Variants in SPEN observed in about 807,000 individuals in gnomAD.
SPEN encodes the protein msx2-interacting protein.
SPEN carries 18 observed loss-of-function variants against 269.9 expected under a neutral mutation model. The observed-to-expected ratio is 0.07, with a 90% CI of 0.05 to 0.10. The LOEUF (loss-of-function observed/expected upper bound fraction) is 0.10, where lower values mean the gene tolerates loss of function less well. SPEN is among the 10% of genes least tolerant of loss of function. SPEN has a pLI of 1.00. For missense variants in SPEN, 3,822 were observed against 4,631.2 expected (o/e 0.83, Z 5.07); for synonymous variants, 1,726 against 1,765.7 (o/e 0.98, Z 0.56).
chr1:15,885,904 C>T, intron 3 of SPEN, among the ~76,000 whole-genome samples: 1 of 152,110 alleles, frequency 6.6e-6, no homozygotes, highest in East Asian at 1.9e-4. Context: ...GTATTGCTTG[C>T]ATCGTTTGTT....
In SPEN at chr1:15,874,727, C is replaced by T. The variant is rs2070614402; in HGVS notation, c.405-1475C>T. On this transcript the variant is annotated intron_variant, in intron 2 of 14. Transcript: ENST00000375759. ...TGGCATTTTAAGTCTCAAAGGAAAC[C>T]CTCTTATTTGTTAGACATTGAAATA... 3.3e-5 allele frequency among the ~76,000 whole-genome samples: 5 copies of T among 152,062 alleles called. No homozygotes were observed. The South Asian group carries it at 1.0e-3, about 32-fold the overall frequency.
chr1:15,918,257 A>T (rs537611032), intron 6 of SPEN, among the ~76,000 whole-genome samples: 2 of 152,264 alleles, frequency 1.3e-5, no homozygotes, highest in African/African-American at 4.8e-5. Context: ...ACGGAGTTTC[A>T]CTTTTGTCAC....
In SPEN at chr1:15,937,219, G is replaced by A; in HGVS notation, c.10083G>A (p.Gln3361=). 6.2e-7 allele frequency: 1 copy of A among 1,613,404 alleles called. No individual in the cohort carries two copies. Among genetic ancestry groups the A allele is most frequent in the Non-Finnish European group, 8.5e-7 (1 of 1,179,862 alleles). The change falls in exon 12 of 15, where the codon CAG becomes CAA. Residue 3361 remains glutamine (Q), a synonymous_variant. Transcript: ENST00000375759. The surrounding 1 kb of genome is among the most constrained non-coding windows in gnomAD (Gnocchi z 5.7). ...CTCCTCAGCCTGTGCAGTCCACACA[G>A]CCTGCCCAGCCTGCACCACCCTGCC... ...LQPPQPVQST[Q]PAQPAPPCPP...
In SPEN at chr1:15,931,349, C is replaced by T. The variant is rs2071218912; in HGVS notation, c.5109C>T (p.Pro1703=). The change falls in exon 11 of 15, where the codon CCC becomes CCT. Residue 1703 remains proline (P), a synonymous_variant. Coordinates refer to ENST00000375759, the MANE Select transcript of SPEN (RefSeq NM_015001.3). The surrounding 1 kb of genome is among the most constrained non-coding windows in gnomAD (Gnocchi z 4.8). Reference sequence around the variant, plus strand: ...AACAGCTGGAACAAGTAGACCTGCCCCCAGGAGCAGACCCCGATAAAGAAG... The same window carrying T: ...AACAGCTGGAACAAGTAGACCTGCCTCCAGGAGCAGACCCCGATAAAGAAG... The part of the protein sequence containing the change: ...PVEQLEQVDL[P]PGADPDKEAA... 6.2e-7 allele frequency: 1 copy of T among 1,614,168 alleles called. No homozygotes were observed. Among genetic ancestry groups the T allele is most frequent in the Non-Finnish European group, 8.5e-7 (1 of 1,180,024 alleles).
chr1:15,857,856 C>T (rs2070402856), intron 1 of SPEN, among the ~76,000 whole-genome samples: 1 of 151,780 alleles, frequency 6.6e-6, no homozygotes, highest in African/African-American at 2.4e-5. Flanking sequence ...GAGACAAGGT[C>T]CAGTGGCTCA....
At chr1:15,861,382 G>A (rs1420602594) in intron 1 of SPEN, among the ~76,000 whole-genome samples, 1 of 151,900 alleles carries the variant, frequency 6.6e-6, no homozygotes, top group Non-Finnish European at 1.5e-5. Context: ...CACCTACCTC[G>A]GCTTCCCAAA....
At position 15,930,695 on chromosome 1, in the gene SPEN, T is replaced by C; in HGVS notation, c.4455T>C (p.Ser1485=). ...ACAAAGATAAAGAAAAGGTTGACTC[T>C]GCTCCAAGACCTATTCCATCCTGGT... ...RNNKDKEKVD[S]APRPIPSWYM... Residue 1485 remains serine, a synonymous_variant, in exon 11 of 15, where the codon TCT becomes TCC. Coordinates refer to ENST00000375759, the MANE Select transcript of SPEN (RefSeq NM_015001.3). This position sits in a 1 kb window ranked among gnomAD's most constrained non-coding sequence, Gnocchi z 5.3. 6.2e-7 allele frequency: 1 copy of C among 1,614,138 alleles called. No homozygotes were observed. Among genetic ancestry groups the C allele is most frequent in the Non-Finnish European group, 8.5e-7 (1 of 1,179,990 alleles).
chr1:15,938,128 G>T (rs1202094365), intron 13 of SPEN, 122 bp downstream of exon 13: 1 of 927,960 alleles, frequency 1.1e-6, no homozygotes, highest in Non-Finnish European at 1.6e-6. Flanking sequence ...TGTTGTTGTT[G>T]AAACAGTCTC....
chr1:15,916,937 G>A (rs1268000067), intron 6 of SPEN, among the ~76,000 whole-genome samples: 1 of 152,144 alleles, frequency 6.6e-6, no homozygotes, highest in African/African-American at 2.4e-5. Flanking sequence ...AGCCCAGCCT[G>A]GGCAACATGG....
chr1:15,874,206 A>T, intron 2 of SPEN: 1 of 1,366,548 alleles, frequency 7.3e-7, no homozygotes, highest in Non-Finnish European at 9.8e-7. Context: ...ACTTGCTTCC[A>T]GTGGAATTAT....
intron 3 of SPEN, among the ~76,000 whole-genome samples, chr1:15,884,170 T>C (rs898763300): frequency 1.3e-5 from 2 of 152,152 alleles, no homozygotes; most frequent in Non-Finnish European, 1.5e-5. Context: ...ACAACAGATA[T>C]AAGGTAATAA....
At position 15,928,994 on chromosome 1, in the gene SPEN, G is replaced by C; in HGVS notation, c.2754G>C (p.Gln918His). 3 of 1,614,180 alleles carry C rather than the reference G, an allele frequency of 1.9e-6. No homozygotes were observed. The part of the protein sequence containing the change: ...VKSSALDQKL[Q>H]VSQTEPAKSD... ...CTTCTGCCCTGGACCAGAAACTTCA[G>C]GTCTCTCAGACGGAGCCTGCAAAAT... The change falls in exon 11 of 15, where the codon CAG becomes CAC. Residue 918 changes from glutamine (Q) to histidine (H), a missense_variant. Around this residue, in one of 16 missense-constraint regions of SPEN, gnomAD observed 572 missense variants for 582.6 expected, o/e 0.98. Coordinates refer to ENST00000375759, the MANE Select transcript of SPEN (RefSeq NM_015001.3). The surrounding 1 kb of genome is among the most constrained non-coding windows in gnomAD (Gnocchi z 5.7).
At chr1:15,918,609 CCTTTT>C (rs1319788591) in intron 6 of SPEN, among the ~76,000 whole-genome samples, 2 of 152,166 alleles carry the variant, frequency 1.3e-5, no homozygotes, top group Non-Finnish European at 2.9e-5. Flanking sequence ...AAATAGCCTG[CCTTTT>C]CTTTATTATC....
chr1:15,939,170 C>T lies in SPEN; in HGVS notation c.10864-126C>T. On this transcript the variant is annotated intron_variant, in intron 14 of 14. Coordinates refer to ENST00000375759, the MANE Select transcript of SPEN (RefSeq NM_015001.3). The surrounding 1 kb of genome is among the most constrained non-coding windows in gnomAD (Gnocchi z 4.1). ...TCTTCCAGTAGACATAGTCCTGGCA[C>T]ATTTGCTGGTTGGGGACTGATTTGG... The T allele has an allele frequency of 1.5e-6, 2 of 1,318,274 alleles. No individual in the cohort carries two copies. The highest frequency in any genetic ancestry group is 1.0e-6 in the Non-Finnish European group (1 of 972,636). The allele number at this position is 1,318,274 out of a possible 1,614,324, so 81.7% of individuals were successfully genotyped here.
At position 15,911,237 on chromosome 1, in the gene SPEN, G is replaced by C; in HGVS notation, c.1179G>C (p.Leu393Phe). 1 of 1,614,076 alleles carries C rather than the reference G, an allele frequency of 6.2e-7. No individual in the cohort carries two copies. Among genetic ancestry groups the C allele is most frequent in the South Asian group, 1.1e-5 (1 of 91,074 alleles). Reference sequence around the variant, plus strand: ...AGCAAGAGGACCAAGAAAAAGCCTTGACTGCATCAAAAGGAAAACTTTTCT... The same window carrying C: ...AGCAAGAGGACCAAGAAAAAGCCTTCACTGCATCAAAAGGAAAACTTTTCT... The part of the protein sequence containing the change: ...FRQQEDQEKA[L>F]TASKGKLFFG... Residue 393 changes from leucine (L) to phenylalanine (F), a missense_variant, in exon 5 of 15, where the codon TTG becomes TTC. Leu to Phe is a conservative substitution (Grantham distance 22). Coordinates refer to ENST00000375759, the MANE Select transcript of SPEN (RefSeq NM_015001.3).
At chr1:15,912,844 T>C (rs1476096937) in intron 5 of SPEN, among the ~76,000 whole-genome samples, 1 of 152,178 alleles carries the variant, frequency 6.6e-6, no homozygotes, top group African/African-American at 2.4e-5. Flanking sequence ...ATTATAATTA[T>C]TAAGTAAGGA....
At chr1:15,854,672 C>CG (rs1367231538) in intron 1 of SPEN, among the ~76,000 whole-genome samples, 2 of 151,804 alleles carry the variant, frequency 1.3e-5, no homozygotes, top group Non-Finnish European at 2.9e-5. Context: ...TTAGTAGAGA[C>CG]GGGGTTTCTC....
chr1:15,869,203 G>A (rs2070548337), intron 1 of SPEN, among the ~76,000 whole-genome samples: 1 of 151,942 alleles, frequency 6.6e-6, no homozygotes, highest in Non-Finnish European at 1.5e-5. Flanking sequence ...ACTGCAGGCG[G>A]GCACCACCAC....
intron 3 of SPEN, among the ~76,000 whole-genome samples, chr1:15,898,130 G>A (rs1292575541): frequency 1.3e-5 from 2 of 151,526 alleles, no homozygotes; most frequent in Non-Finnish European, 2.9e-5. Flanking sequence ...AAGGAACAAA[G>A]GAGAGTGACC....
Sources: gnomAD v4.1 joint callset for allele counts (sites outside exome capture counted in the v4.1 genomes callset) on GRCh38, gnomAD v4.1.1 for gene constraint, gnomAD v4.1.1 regional missense constraint, Gnocchi (gnomAD v3.1) non-coding constraint, MANE v1.5 for transcripts, NCBI Gene and HGNC (gene_info 2026-07-23, HGNC 2026-07-21) for gene names.